Variants in PIWIL4 observed in about 807,000 individuals in gnomAD.
PIWIL4 encodes piwi-like protein 4.
PIWIL4 carries 50 observed loss-of-function variants against 100.9 expected under a neutral mutation model. The ratio of observed to expected loss-of-function variants is 0.50; its 90% CI spans 0.39 to 0.63. The LOEUF (loss-of-function observed/expected upper bound fraction) is 0.63, where lower values mean the gene tolerates loss of function less well. Among genes scored for constraint, PIWIL4 ranks in the 20% least tolerant of loss-of-function variants. The probability of loss-of-function intolerance (pLI) is 0.00; values close to 1 mark genes in which losing one functional copy is unlikely to be tolerated. For missense variants in PIWIL4, 887 were observed against 1,043.3 expected (o/e 0.85, Z 2.06); for synonymous variants, 342 against 367.5 (o/e 0.93, Z 0.79).
At chr11:94,574,690 C>G (rs1425281371) in intron 2 of PIWIL4, among the ~76,000 whole-genome samples, 1 of 152,094 alleles carries the variant, frequency 6.6e-6, no homozygotes, top group Non-Finnish European at 1.5e-5. Context: ...ACACGTTGCC[C>G]AGGCTGGTCT....
intron 16 of PIWIL4, among the ~76,000 whole-genome samples, chr11:94,617,117 A>G (rs775959845): frequency 3.9e-5 from 6 of 152,122 alleles, no homozygotes; most frequent in Non-Finnish European, 5.9e-5. Flanking sequence ...CCCTCTCCTG[A>G]TCTGCATTTT....
chr11:94,580,662 G>A (rs1377371917), intron 4 of PIWIL4, among the ~76,000 whole-genome samples: 1 of 152,188 alleles, frequency 6.6e-6, no homozygotes, highest in Admixed American at 6.5e-5. Context: ...TAAATACTAT[G>A]TAAGGTAGAA....
In PIWIL4 at chr11:94,596,715, CATCT is replaced by C. The variant is rs532205682; in HGVS notation, c.1269-1084_1269-1081del. On this transcript the variant is annotated intron_variant, in intron 10 of 19. Transcript: ENST00000299001. ...TGACTGTGGATTAATCTTCCTGATG[CATCT>C]ATCTGCCACCTTTCAGTAGTACCAC... Among the ~76,000 whole-genome samples the C allele has an allele frequency of 1.7e-4, 26 of 152,300 alleles. 1 individual carries two copies. The East Asian group carries it at 5.0e-3, about 29-fold the overall frequency.
intron 12 of PIWIL4, among the ~76,000 whole-genome samples, chr11:94,603,686 G>T (rs1023806901): frequency 6.6e-6 from 1 of 152,108 alleles, no homozygotes; most frequent in African/African-American, 2.4e-5. Context: ...GATTTCAAAA[G>T]TTCACTTTCA....
intron 13 of PIWIL4, among the ~76,000 whole-genome samples, chr11:94,605,066 A>G (rs1948697169): frequency 6.6e-6 from 1 of 152,216 alleles, no homozygotes; most frequent in South Asian, 2.1e-4. Flanking sequence ...TTGCTGAACT[A>G]TTTGAGCATA....
At chr11:94,588,959 T>G (rs182728203) in intron 7 of PIWIL4, among the ~76,000 whole-genome samples, 162 bp from the exon 8 acceptor site, 20 of 152,360 alleles carry the variant, frequency 1.3e-4, no homozygotes, top group Non-Finnish European at 1.8e-4. Context: ...CCTTTTCAGA[T>G]AAGAGCTGAG....
At position 94,577,434 on chromosome 11, in the gene PIWIL4, A is replaced by G. The variant is rs760947753; in HGVS notation, c.455A>G (p.Asn152Ser). Residue 152 changes from asparagine to serine, a missense_variant, in exon 4 of 20, where the codon AAC becomes AGC. By Grantham distance (46) the Asn-to-Ser change is conservative (BLOSUM62 1). Coordinates refer to ENST00000299001, the MANE Select transcript of PIWIL4 (RefSeq NM_152431.3). ...ALLYSHSELS[N>S]KAKAFDGAIL... ...CTTTATAGTCATAGTGAACTTTCCA[A>G]CAAAGCAAAAGCATTCGACGGTGCC... is the stretch of plus-strand genomic sequence containing the variant. The G allele has an allele frequency of 1.9e-6, 3 of 1,614,070 alleles. No homozygotes were observed. Among genetic ancestry groups the G allele is most frequent in the Non-Finnish European group, 2.5e-6 (3 of 1,179,998 alleles).
chr11:94,571,774 G>T (rs1328136137), intron 2 of PIWIL4, among the ~76,000 whole-genome samples: 1 of 152,206 alleles, frequency 6.6e-6, no homozygotes, highest in East Asian at 1.9e-4. Context: ...ATAGTAGCAT[G>T]ACTTATAATC....
intron 6 of PIWIL4, among the ~76,000 whole-genome samples, chr11:94,585,734 T>C (rs562195851): frequency 6.6e-6 from 1 of 152,358 alleles, no homozygotes; most frequent in African/African-American, 2.4e-5. Context: ...GTGTGATAGA[T>C]AATTATCACA....
chr11:94,612,101 T>A (rs1472514624), intron 15 of PIWIL4, among the ~76,000 whole-genome samples: 1 of 152,298 alleles, frequency 6.6e-6, no homozygotes, highest in South Asian at 2.1e-4. Context: ...CAATGTTTCC[T>A]TATTAATTTT....
intron 15 of PIWIL4, among the ~76,000 whole-genome samples, chr11:94,609,746 T>C (rs1948766433): frequency 6.6e-6 from 1 of 152,142 alleles, no homozygotes; most frequent in Admixed American, 6.5e-5. Context: ...TTATCAGTTT[T>C]GATAATTGAT....
rs548649675 is a variant in PIWIL4 at position 94,569,019 on chromosome 11, T to C, written c.166+211T>C. 3.9e-5 allele frequency among the ~76,000 whole-genome samples: 6 copies of C among 152,310 alleles called. No homozygotes were observed. In the South Asian group the frequency reaches 1.2e-3, roughly 32 times the overall value. Reference sequence around the variant, plus strand: ...TGTTTGGTAGACGGGACTCCATAGATATTAGGAAGCCAGTTTCTGTCTCTT... The same window carrying C: ...TGTTTGGTAGACGGGACTCCATAGACATTAGGAAGCCAGTTTCTGTCTCTT... On this transcript the variant is annotated intron_variant, in intron 2 of 19. Transcript: ENST00000299001.
chr11:94,590,505 G>C (rs1169633471), intron 8 of PIWIL4, among the ~76,000 whole-genome samples: 3 of 152,078 alleles, frequency 2.0e-5, no homozygotes, highest in African/African-American at 7.2e-5. Context: ...CTCAAATATA[G>C]TGCTTTTGCC....
chr11:94,574,952 C>G (rs1366908856), intron 2 of PIWIL4, 47 bp from the exon 3 acceptor site: 1 of 1,573,584 alleles, frequency 6.4e-7, no homozygotes, highest in South Asian at 1.1e-5. Context: ...CAAACAGTAT[C>G]ACTAGAATGA....
chr11:94,596,450 G>A (rs1000787120), intron 10 of PIWIL4, among the ~76,000 whole-genome samples: 11 of 151,856 alleles, frequency 7.2e-5, no homozygotes, highest in Non-Finnish European at 1.2e-4. Context: ...CTCTGCAAAC[G>A]CATATAATCC....
chr11:94,611,384 A>G (rs1948785793), intron 15 of PIWIL4, among the ~76,000 whole-genome samples: 1 of 152,076 alleles, frequency 6.6e-6, no homozygotes, highest in Admixed American at 6.6e-5. Context: ...TCACATAGGC[A>G]TTTATTGCCA....
intron 4 of PIWIL4, among the ~76,000 whole-genome samples, chr11:94,580,976 G>A (rs931003838): frequency 7.1e-6 from 1 of 140,304 alleles, no homozygotes; most frequent in African/African-American, 2.7e-5. Flanking sequence ...TTGATTCACT[G>A]CAACCTCCAC....
intron 15 of PIWIL4, among the ~76,000 whole-genome samples, chr11:94,613,323 G>A (rs543238048): frequency 6.6e-6 from 1 of 152,158 alleles, no homozygotes; most frequent in African/African-American, 2.4e-5. Flanking sequence ...TGAGAAATCT[G>A]CTGATAGCCT....
intron 2 of PIWIL4, among the ~76,000 whole-genome samples, 200 bp from the exon 3 acceptor site, chr11:94,574,799 A>G (rs952833144): frequency 6.6e-6 from 1 of 152,174 alleles, no homozygotes; most frequent in African/African-American, 2.4e-5. Context: ...GTTATTTTTA[A>G]CAAAACGTTC....
Sources: gnomAD v4.1 joint callset for allele counts (sites outside exome capture counted in the v4.1 genomes callset) on GRCh38, gnomAD v4.1.1 for gene constraint, MANE v1.5 for transcripts, NCBI Gene and HGNC (gene_info 2026-07-23, HGNC 2026-07-21) for gene names.